Variants in NUCB2 observed in about 807,000 individuals in gnomAD.
NUCB2 encodes the protein nucleobindin 2, also known as nucleobindin-2.
Under a neutral mutation model 57.9 loss-of-function variants are expected in NUCB2, and 48 were observed. That is an observed-to-expected ratio of 0.83 (90% CI 0.66 to 1.05). The LOEUF is 1.05. Ranked by LOEUF, NUCB2 falls within the 50% of genes least tolerant of loss-of-function variation. The probability of loss-of-function intolerance (pLI) is 0.00; values close to 1 mark genes in which losing one functional copy is unlikely to be tolerated. For missense variants in NUCB2, 442 were observed against 476.2 expected, an observed-to-expected ratio of 0.93 and a Z score of 0.67; for synonymous variants, 139 against 152.1, an observed-to-expected ratio of 0.91 and a Z score of 0.64.
At chr11:17,325,006 T>C (rs1280902028) in intron 11 of NUCB2, among the ~76,000 whole-genome samples, 2 of 152,116 alleles carry the variant, frequency 1.3e-5, no homozygotes, top group Non-Finnish European at 2.9e-5. Context: ...GTTTACCATA[T>C]TGGCCAGGCT....
chr11:17,288,552 CT>C lies in NUCB2; in HGVS notation c.-1+5625del, dbSNP rs1362783048. On this transcript the variant is annotated intron_variant, in intron 2 of 13. Transcript: ENST00000529010. The stretch of plus-strand genomic sequence containing the variant: ...TCTTTTTCTTCTTCTTCTTCTTCTT[CT>C]TTTTTTTTTTTTTTTGAGACAGTCT... Among the ~76,000 whole-genome samples, 286 of 101,164 alleles carry C rather than the reference CT, an allele frequency of 2.8e-3. 3 individuals are homozygous for C. Among genetic ancestry groups the C allele is most frequent in the Admixed American group, 5.3e-3 (43 of 8,186 alleles). The allele number at this position is 101,164 out of a possible 152,430, so 66.4% of individuals were successfully genotyped here.
intron 1 of NUCB2, among the ~76,000 whole-genome samples, chr11:17,280,254 A>G (rs1337026899): frequency 2.6e-5 from 4 of 152,192 alleles, no homozygotes; most frequent in East Asian, 1.9e-4. Flanking sequence ...AAGACTGGAA[A>G]AAAAGGAGAT....
intron 11 of NUCB2, among the ~76,000 whole-genome samples, chr11:17,322,261 A>AT (rs1950124179): frequency 6.6e-6 from 1 of 152,092 alleles, no homozygotes; most frequent in Non-Finnish European, 1.5e-5. Flanking sequence ...TTTTGATTTG[A>AT]TTTTTGTATA....
At chr11:17,280,262 G>T (rs1373881026) in intron 1 of NUCB2, among the ~76,000 whole-genome samples, 3 of 150,144 alleles carry the variant, frequency 2.0e-5, no homozygotes, top group African/African-American at 7.6e-5. Flanking sequence ...AAAAAAAGGA[G>T]ATATAATAGT....
intron 2 of NUCB2, among the ~76,000 whole-genome samples, chr11:17,346,704 T>C (rs117632663): frequency 0.058 from 8,867 of 152,262 alleles, 286 homozygotes; most frequent in Middle Eastern, 0.095. Flanking sequence ...AATTCCCATA[T>C]GCCCTTCATC....
At chr11:17,290,010 G>C (rs1242840608) in intron 2 of NUCB2, among the ~76,000 whole-genome samples, 3 of 152,132 alleles carry the variant, frequency 2.0e-5, no homozygotes, top group Admixed American at 2.0e-4. Flanking sequence ...GTTGGTTTCT[G>C]CTATCTTCAT....
At chr11:17,300,706 G>A (rs1303657444) in intron 4 of NUCB2, among the ~76,000 whole-genome samples, 3 of 152,190 alleles carry the variant, frequency 2.0e-5, no homozygotes, top group East Asian at 1.9e-4. Flanking sequence ...GTTTTTTGGC[G>A]AGTATGAATA....
intron 7 of NUCB2, 31 bp from the exon 8 acceptor site, chr11:17,311,162 T>A: frequency 1.3e-6 from 2 of 1,548,458 alleles, no homozygotes; most frequent in Non-Finnish European, 1.8e-6. Flanking sequence ...TTATATTTTG[T>A]TTTGAGCAAT....
intron 2 of NUCB2, among the ~76,000 whole-genome samples, chr11:17,285,223 C>G (rs1196443325): frequency 6.6e-6 from 1 of 151,930 alleles, no homozygotes. Context: ...GTCAGGAGAT[C>G]AAGACCATCC....
At chr11:17,312,662 C>T (rs1369376747) in intron 10 of NUCB2, among the ~76,000 whole-genome samples, 1 of 151,750 alleles carries the variant, frequency 6.6e-6, no homozygotes, top group Non-Finnish European at 1.5e-5. Flanking sequence ...CTTGGCCTCC[C>T]AAAGTGCTGG....
chr11:17,288,679 C>T (rs1293506235), intron 2 of NUCB2, among the ~76,000 whole-genome samples: 30 of 148,914 alleles, frequency 2.0e-4, no homozygotes, highest in Admixed American at 1.8e-3. Flanking sequence ...CTCAGCCTCC[C>T]GGGTAGCTGG....
intron 6 of NUCB2, among the ~76,000 whole-genome samples, chr11:17,310,235 TC>T (rs1948279367): frequency 7.1e-6 from 1 of 141,620 alleles, no homozygotes; most frequent in Non-Finnish European, 1.6e-5. Flanking sequence ...CCTTTCTTCT[TC>T]TTTTTTTTTT....
At position 17,330,049 on chromosome 11, in the gene NUCB2, A is replaced by G. The variant is rs888161257; in HGVS notation, c.1003-78A>G. The G allele has an allele frequency of 1.7e-5, 13 of 785,434 alleles. No homozygotes were observed. The African/African-American group carries it at 2.1e-4, about 12-fold the overall frequency. The allele number at this position is 785,434 out of a possible 1,614,324, so 48.7% of individuals were successfully genotyped here. ...ATAGATACTCTTTTATACTTTGCTA[A>G]CCATAGAATTTTAAAGCTAAATCAG... On this transcript the variant is annotated intron_variant, in intron 11 of 13. Transcript: ENST00000529010. The surrounding 1 kb of genome is among the most constrained non-coding windows in gnomAD (Gnocchi z 4.3).
intron 2 of NUCB2, among the ~76,000 whole-genome samples, chr11:17,344,503 T>C (rs978849965): frequency 6.6e-6 from 1 of 152,208 alleles, no homozygotes; most frequent in East Asian, 1.9e-4. Context: ...GTATTTCTAA[T>C]GCACCTTCTT....
chr11:17,308,944 T>G (rs927226232), intron 5 of NUCB2, among the ~76,000 whole-genome samples: 1 of 152,120 alleles, frequency 6.6e-6, no homozygotes, highest in Non-Finnish European at 1.5e-5. Context: ...AAGCAGGATA[T>G]TTAGTAGTTT....
intron 5 of NUCB2, 82 bp downstream of exon 5, chr11:17,301,952 T>G: frequency 8.5e-7 from 1 of 1,178,646 alleles, no homozygotes; most frequent in Non-Finnish European, 1.2e-6. Flanking sequence ...CAGGCTGGAG[T>G]GCAGTGGCAC....
chr11:17,311,645 T>C (rs1948502224), intron 8 of NUCB2, among the ~76,000 whole-genome samples: 1 of 152,158 alleles, frequency 6.6e-6, no homozygotes, highest in Admixed American at 6.6e-5. Context: ...TGGAAAAAAA[T>C]GGTCAAGATA....
intron 4 of NUCB2, among the ~76,000 whole-genome samples, chr11:17,299,661 T>C (rs767467186): frequency 6.6e-6 from 1 of 152,102 alleles, no homozygotes; most frequent in Non-Finnish European, 1.5e-5. Flanking sequence ...CCCAGCACTT[T>C]GGGAGGCTGA....
rs12292418 is a variant in NUCB2 at position 17,330,201 on chromosome 11, T to C, written c.1077T>C (p.Asn359=). ...EYENIIALQE[N]ELKKKADELQ... is the part of the protein sequence containing the mutation. ...AAAATATTATTGCTTTACAAGAAAA[T>C]GAACTTAAGAAGAAGGCAGATGAGC... is the stretch of plus-strand genomic sequence containing the variant. The change falls in exon 12 of 14, where the codon AAT becomes AAC. Residue 359 remains asparagine, a synonymous_variant. Coordinates refer to ENST00000529010, the MANE Select transcript of NUCB2 (RefSeq NM_005013.4). The surrounding 1 kb of genome is among the most constrained non-coding windows in gnomAD (Gnocchi z 4.3). 1.2e-3 allele frequency: 1,969 copies of C among 1,603,526 alleles called. 23 individuals carry two copies. The African/African-American group carries it at 0.024, about 19-fold the overall frequency.
Sources: gnomAD v4.1 joint callset for allele counts (sites outside exome capture counted in the v4.1 genomes callset) on GRCh38, gnomAD v4.1.1 for gene constraint, Gnocchi (gnomAD v3.1) non-coding constraint, MANE v1.5 for transcripts, NCBI Gene and HGNC (gene_info 2026-07-23, HGNC 2026-07-21) for gene names.